SDK2: variants seen among roughly 807,000 people sequenced by gnomAD.
The protein encoded by SDK2 is sidekick cell adhesion molecule 2.
A neutral mutation model predicts 253.9 loss-of-function variants in SDK2; 105 were observed. The observed-to-expected ratio is 0.41, with a 90% CI of 0.35 to 0.49. The LOEUF (loss-of-function observed/expected upper bound fraction) is 0.49, where lower values mean the gene tolerates loss of function less well. SDK2 is among the 20% of genes least tolerant of loss of function. SDK2 has a pLI of 0.06. For missense variants in SDK2, 2,608 were observed against 3,003.0 expected (o/e 0.87, Z 3.07); for synonymous variants, 1,249 against 1,234.9 (o/e 1.01, Z -0.24).
intron 1 of SDK2, among the ~76,000 whole-genome samples, chr17:73,580,247 C>T (rs1040832218): frequency 4.6e-5 from 7 of 152,250 alleles, no homozygotes; most frequent in African/African-American, 1.7e-4. Flanking sequence ...CTGCCTCATT[C>T]CTCTCCCTCT....
At chr17:73,576,428 G>C (rs1304143780) in intron 1 of SDK2, among the ~76,000 whole-genome samples, 1 of 152,176 alleles carries the variant, frequency 6.6e-6, no homozygotes, top group Non-Finnish European at 1.5e-5. Flanking sequence ...AGGATATGAA[G>C]GGCATGTCAT....
intron 33 of SDK2, among the ~76,000 whole-genome samples, chr17:73,382,686 C>T (rs1032839602): frequency 2.6e-5 from 4 of 152,226 alleles, no homozygotes; most frequent in Non-Finnish European, 5.9e-5. Flanking sequence ...AATTATGATG[C>T]GAGTGGCTGA....
At chr17:73,409,006 T>C (rs1442890401) in intron 18 of SDK2, among the ~76,000 whole-genome samples, 1 of 152,182 alleles carries the variant, frequency 6.6e-6, no homozygotes, top group Non-Finnish European at 1.5e-5. Context: ...GAAACATTCA[T>C]GGATGAACTG....
At chr17:73,347,419 C>A (rs2062494168) in intron 44 of SDK2, among the ~76,000 whole-genome samples, 1 of 152,158 alleles carries the variant, frequency 6.6e-6, no homozygotes, top group South Asian at 2.1e-4. Flanking sequence ...GTAAGCCATG[C>A]TAAGTTGGGG....
Position 73,418,010 on chromosome 17 carries a change from G to GTTTTTTTTTTTTTTTTT in SDK2, c.2186+1139_2186+1155dup, listed in dbSNP as rs397689294. Among the ~76,000 whole-genome samples, 30 of 128,240 alleles carry GTTTTTTTTTTTTTTTTT rather than the reference G, an allele frequency of 2.3e-4. 1 individual carries two copies. Among genetic ancestry groups the GTTTTTTTTTTTTTTTTT allele is most frequent in the Non-Finnish European group, 2.9e-4 (18 of 62,872 alleles). The allele number at this position is 128,240 out of a possible 152,430, so 84.1% of individuals were successfully genotyped here. A position where few individuals can be genotyped will look rare whatever the true frequency, so the allele number is the denominator to read the frequency against. On this transcript the variant is annotated intron_variant, in intron 16 of 44. Coordinates refer to ENST00000392650, the MANE Select transcript of SDK2 (RefSeq NM_001144952.2). ...AGATGCATCAAAGTCTCCTAGATGA[G>GTTTTTTTTTTTTTTTTT]TTTTTTTTTTTTTTTTTTGTTTTTA...
intron 2 of SDK2, among the ~76,000 whole-genome samples, chr17:73,507,037 G>C (rs1297107953): frequency 2.6e-5 from 4 of 152,246 alleles, no homozygotes. Context: ...TTGCTGCAGA[G>C]CCCACCCCTC....
chr17:73,357,080 C>T (rs1361932220), intron 40 of SDK2, among the ~76,000 whole-genome samples: 2 of 152,228 alleles, frequency 1.3e-5, no homozygotes, highest in Non-Finnish European at 2.9e-5. Flanking sequence ...GCCAGCCCCG[C>T]ATGCATCCTC....
intron 34 of SDK2, among the ~76,000 whole-genome samples, chr17:73,380,089 G>A (rs1260876555): frequency 2.6e-5 from 4 of 152,168 alleles, no homozygotes; most frequent in Non-Finnish European, 4.4e-5. Context: ...GGAATGGGAC[G>A]CAGCTGCAAG....
At chr17:73,387,756 C>T (rs1007131912) in intron 30 of SDK2, 80 bp downstream of exon 30, 24 of 1,319,538 alleles carry the variant, frequency 1.8e-5, no homozygotes, top group East Asian at 1.5e-4. Context: ...TTTCAGAAGG[C>T]CCCCTACCCA....
chr17:73,351,794 G>T lies in SDK2; in HGVS notation c.5758+679C>A, dbSNP rs376428044. ...TCGGCCTTGAAGCACTTCTGTCCCA[G>T]GATTTGGTTTTATCAATGTGGGTAA... On this transcript the variant is annotated intron_variant, in intron 41 of 44. Transcript: ENST00000392650. Among the ~76,000 whole-genome samples the T allele has an allele frequency of 9.0e-4, 137 of 152,210 alleles. No individual in the cohort carries two copies. In the South Asian group the frequency reaches 0.011, roughly 13 times the overall value.
chr17:73,566,319 A>ATG (rs55940592), intron 1 of SDK2, among the ~76,000 whole-genome samples: 26,900 of 139,278 alleles, frequency 0.19, 2,473 homozygotes, highest in South Asian at 0.25. Flanking sequence ...TTATATATAT[A>ATG]TGTGTGTGTG....
chr17:73,635,742 C>T (rs1217985419), intron 1 of SDK2, among the ~76,000 whole-genome samples: 3 of 151,674 alleles, frequency 2.0e-5, no homozygotes, highest in Admixed American at 6.5e-5. Context: ...CCTCACACCT[C>T]ATTCAATTTA....
chr17:73,404,909 G>A (rs973197072), intron 18 of SDK2, among the ~76,000 whole-genome samples: 1 of 151,938 alleles, frequency 6.6e-6, no homozygotes, highest in Non-Finnish European at 1.5e-5. Flanking sequence ...AGGGTGTTGG[G>A]GGAGGGCAGC....
intron 2 of SDK2, among the ~76,000 whole-genome samples, chr17:73,501,067 C>T (rs7219474): frequency 0.73 from 111,190 of 152,090 alleles, 40,847 homozygotes; most frequent in African/African-American, 0.8. Flanking sequence ...GAGCTGAGAG[C>T]GGTCAGATGA....
chr17:73,483,639 ATATGTGTGTGTGTGTGTGTG>A (rs2063746455), intron 2 of SDK2, among the ~76,000 whole-genome samples: 16 of 48,214 alleles, frequency 3.3e-4, no homozygotes, highest in Non-Finnish European at 5.2e-4. Flanking sequence ...ATGTATATAT[ATATGTGTGTGTGTGTGTGTG>A]TGTATATATA....
intron 5 of SDK2, among the ~76,000 whole-genome samples, chr17:73,442,545 T>C (rs1380164218): frequency 6.6e-6 from 1 of 152,174 alleles, no homozygotes; most frequent in Non-Finnish European, 1.5e-5. Context: ...TTCACTATGT[T>C]GGCCAGGCTG....
Position 73,609,950 on chromosome 17 carries a change from C to T in SDK2, c.64+34075G>A, listed in dbSNP as rs900429486. On this transcript the variant is annotated intron_variant, in intron 1 of 44. Coordinates refer to ENST00000392650, the MANE Select transcript of SDK2 (RefSeq NM_001144952.2). This position sits in a 1 kb window ranked among gnomAD's most constrained non-coding sequence, Gnocchi z 4.4. Reference sequence around the variant, plus strand: ...CAAGGGCTGGGACTGGTAGTAGGTGCGGAGCTCAGCCAGGCAGCTGCACGG... The same window carrying T: ...CAAGGGCTGGGACTGGTAGTAGGTGTGGAGCTCAGCCAGGCAGCTGCACGG... Among the ~76,000 whole-genome samples the T allele has an allele frequency of 5.2e-4, 79 of 152,324 alleles. No homozygotes were observed. The highest frequency in any genetic ancestry group is 1.6e-3 in the African/African-American group (68 of 41,572).
rs773646753 is a variant in SDK2, at chr17:73,438,145, G to C, written c.735C>G (p.Ile245Met). 4.3e-5 allele frequency: 66 copies of C among 1,551,036 alleles called. No individual in the cohort carries two copies. The highest frequency in any genetic ancestry group is 5.3e-5 in the Non-Finnish European group (61 of 1,146,694). ...CCTTCTTCCAAATGATATGTAGCTT[G>C]ATCAGGGGCCTGCAGAGGGCAAGGG... ...LECVANARPL[I>M]KLHIIWKKDG... The change falls in exon 7 of 45, where the codon ATC (isoleucine) becomes ATG (methionine). Residue 245 changes from isoleucine to methionine, a missense_variant. Ile to Met is a conservative substitution (Grantham distance 10, BLOSUM62 1). Around this residue, in one of 2 missense-constraint regions of SDK2, gnomAD observed 1,505 missense variants for 1,859.1 expected, o/e 0.81. Coordinates refer to ENST00000392650, the MANE Select transcript of SDK2 (RefSeq NM_001144952.2).
At chr17:73,628,892 C>T (rs1008270091) in intron 1 of SDK2, among the ~76,000 whole-genome samples, 42 of 152,206 alleles carry the variant, frequency 2.8e-4, no homozygotes, top group African/African-American at 9.4e-4. Context: ...GGTGGCTACC[C>T]AGATGTGGAT....
Sources: allele counts gnomAD v4.1 joint callset (sites outside exome capture counted in the v4.1 genomes callset), GRCh38; gene constraint gnomAD v4.1.1; regional missense constraint gnomAD v4.1.1; non-coding constraint Gnocchi (gnomAD v3.1); transcripts MANE v1.5; gene names NCBI Gene and HGNC (gene_info 2026-07-23, HGNC 2026-07-21).